The following HOXC5 variants were observed in gnomAD, a reference collection of about 807,000 sequenced individuals.
The protein encoded by HOXC5 is homeobox protein Hox-C5.
In HOXC5, 19 loss-of-function variants were observed where a neutral mutation model predicts 20.1. The observed-to-expected ratio is 0.94, with a 90% CI of 0.66 to 1.38. The LOEUF is 1.38. Among genes scored for constraint, HOXC5 ranks in the 40% most tolerant of loss-of-function variants. The pLI is 0.00. For synonymous variants in HOXC5, 124 were observed against 117.0 expected (o/e 1.06, Z -0.39); for missense variants, 330 against 300.1 (o/e 1.10, Z -0.74).
At chr12:54,028,302 C>A, upstream of HOXC5, 1 of 417,792 alleles carries the variant, frequency 2.4e-6, no homozygotes. Flanking sequence ...ACTTTCAAAG[C>A]ACACACTTAG....
chr12:54,030,500 G>A (rs529935955), upstream of HOXC5: 1 of 152,886 alleles, frequency 6.5e-6, no homozygotes, highest in South Asian at 2.1e-4. Flanking sequence ...GCCCAGCCCA[G>A]GCAAATTGTA....
chr12:54,029,201 G>A (rs1222814250), upstream of HOXC5, among the ~76,000 whole-genome samples: 1 of 152,162 alleles, frequency 6.6e-6, no homozygotes, highest in Non-Finnish European at 1.5e-5. Context: ...GAAGATAGGG[G>A]AGCCCCCCAA....
rs767430357 is a variant in HOXC5 at position 54,033,110 on chromosome 12, G to A, written c.-13G>A. The A allele has an allele frequency of 9.5e-6, 15 of 1,584,174 alleles. No individual in the cohort carries two copies. The highest frequency in any genetic ancestry group is 5.7e-5 in the South Asian group (5 of 88,406). ...CAAAAAGGGTGCAGAAATTTTTTTGGGCCCTCCCCGCCATGAGCTCCTACG... is the reference window on the plus strand; with the variant it reads ...CAAAAAGGGTGCAGAAATTTTTTTGAGCCCTCCCCGCCATGAGCTCCTACG... On this transcript the variant is annotated 5_prime_UTR_variant, in exon 1 of 2. Transcript: ENST00000312492.
upstream of HOXC5, chr12:54,029,945 G>T: frequency 6.3e-7 from 1 of 1,585,350 alleles, no homozygotes; most frequent in South Asian, 1.1e-5. Context: ...GACAGAAGAG[G>T]AGAAGCAGAA....
the HOXC5 span, among the ~76,000 whole-genome samples, chr12:54,026,727 ACT>A: frequency 3.3e-5 from 5 of 152,138 alleles, no homozygotes; most frequent in Non-Finnish European, 7.4e-5. Flanking sequence ...GCTCCTGCAC[ACT>A]GTCTGCTTTT....
At chr12:54,033,997 G>T in intron 1 of HOXC5, 1 of 645,970 alleles carries the variant, frequency 1.5e-6, no homozygotes, top group Non-Finnish European at 2.9e-6. Flanking sequence ...TCTCGAGGGT[G>T]CTTATTGTTC....
upstream of HOXC5, chr12:54,030,018 T>A (rs939957363): frequency 2.0e-5 from 28 of 1,401,566 alleles, no homozygotes; most frequent in Middle Eastern, 9.2e-4. Flanking sequence ...CCACCAACTC[T>A]CCCCTAATCA....
chr12:54,023,582 C>A, the HOXC5 span, among the ~76,000 whole-genome samples: 1 of 152,224 alleles, frequency 6.6e-6, no homozygotes. Context: ...CAGTTCTCAG[C>A]AGCTTAACAT....
chr12:54,022,491 AAATT>A, the HOXC5 span: 1 of 152,150 alleles, frequency 6.6e-6, no homozygotes, highest in Admixed American at 6.5e-5. Context: ...CTCATTTCTG[AAATT>A]AATTTTCCCC....
rs1223856029 is a variant in HOXC5, at chr12:54,034,716, A to C, written c.*224A>C. The C allele has an allele frequency of 1.8e-6, 1 of 544,150 alleles. No homozygotes were observed. Among genetic ancestry groups the C allele is most frequent in the Non-Finnish European group, 3.3e-6 (1 of 302,804 alleles). 33.7% of individuals were successfully genotyped at this position (544,150 alleles called of 1,614,324 possible). ...GCCCCATCTCCCCTCAGCTCGGCTC[A>C]GCTCGGTACCCGGGGCCCAGGGCAA... On this transcript the variant is annotated 3_prime_UTR_variant, in exon 2 of 2. Coordinates refer to ENST00000312492, the MANE Select transcript of HOXC5 (RefSeq NM_018953.4).
upstream of HOXC5, chr12:54,030,162 T>G: frequency 1.4e-5 from 7 of 506,694 alleles, no homozygotes; most frequent in South Asian, 2.4e-4. Flanking sequence ...ACCACGCGCC[T>G]CCTCCTCCTC....
chr12:54,026,971 G>T, the HOXC5 span, among the ~76,000 whole-genome samples: 1 of 138,436 alleles, frequency 7.2e-6, no homozygotes, highest in Non-Finnish European at 1.6e-5. Flanking sequence ...TGGTGGGGGG[G>T]GGGGGATATG....
chr12:54,034,161 T>A, intron 1 of HOXC5, 117 bp from the exon 2 acceptor site: 1 of 1,009,096 alleles, frequency 9.9e-7, no homozygotes, highest in Non-Finnish European at 1.6e-6. Context: ...TGGCCTGTCT[T>A]GCGGCTCTCG....
chr12:54,022,556 C>A, the HOXC5 span: 1 of 152,122 alleles, frequency 6.6e-6, no homozygotes, highest in Non-Finnish European at 1.5e-5. Context: ...ATGGTTCTTT[C>A]AGATCTGCAA....
In HOXC5 at chr12:54,033,312, G is replaced by GCTGCCAACCC; in HGVS notation, c.192_201dup (p.Arg68CysfsTer49). 1 of 1,614,042 alleles carries GCTGCCAACCC rather than the reference G, an allele frequency of 6.2e-7. No individual in the cohort carries two copies. Among genetic ancestry groups the GCTGCCAACCC allele is most frequent in the Non-Finnish European group, 8.5e-7 (1 of 1,180,018 alleles). On this transcript the variant is annotated frameshift_variant, in exon 1 of 2. Transcript: ENST00000312492. LOFTEE classifies it high-confidence loss of function. ...CAACTCTCTCCACGGGGTAGACATGGCTGCCAACCCCCGGGCTCACCCCGA... is the reference window on the plus strand; with the variant it reads ...CAACTCTCTCCACGGGGTAGACATGGCTGCCAACCCCTGCCAACCCCCGGGCTCACCCCGA...
chr12:54,020,243 C>G, the HOXC5 span: 4 of 152,204 alleles, frequency 2.6e-5, no homozygotes, highest in Non-Finnish European at 5.9e-5. Flanking sequence ...CTCTGCACAC[C>G]CGGGGCAGAG....
At chr12:54,029,520 A>AT, upstream of HOXC5, 1 of 847,808 alleles carries the variant, frequency 1.2e-6, no homozygotes, top group East Asian at 2.8e-5. Flanking sequence ...GCAAGGCAAA[A>AT]GGGAGAAGGC....
upstream of HOXC5, among the ~76,000 whole-genome samples, chr12:54,031,051 G>C (rs956975402): frequency 4.6e-5 from 7 of 152,258 alleles, no homozygotes; most frequent in Admixed American, 4.6e-4. Flanking sequence ...CACACCCTGC[G>C]GGAAAAAGCC....
At chr12:54,034,129 G>A (rs1941107158) in intron 1 of HOXC5, 149 bp from the exon 2 acceptor site, 5 of 783,900 alleles carry the variant, frequency 6.4e-6, no homozygotes, top group Admixed American at 1.9e-5. Context: ...GCTGGGCTGG[G>A]CTGGCCCGCC....
Sources: gnomAD v4.1 joint callset for allele counts (sites outside exome capture counted in the v4.1 genomes callset) on GRCh38, gnomAD v4.1.1 for gene constraint, MANE v1.5 for transcripts, NCBI Gene and HGNC (gene_info 2026-07-23, HGNC 2026-07-21) for gene names.